NALF1: variants seen among roughly 807,000 people sequenced by gnomAD.
The protein encoded by NALF1 is family with sequence similarity 155 member A.
Under a neutral mutation model 48.4 loss-of-function variants are expected in NALF1, and 3 were observed. That is an observed-to-expected ratio of 0.06 (90% CI 0.03 to 0.16). The LOEUF (loss-of-function observed/expected upper bound fraction) is 0.16, where lower values mean the gene tolerates loss of function less well. NALF1 is among the 10% of genes least tolerant of loss of function. The pLI is 1.00. For synonymous variants in NALF1, 262 were observed against 245.7 expected, an observed-to-expected ratio of 1.07 and a Z score of -0.62; for missense variants, 526 against 571.5, an observed-to-expected ratio of 0.92 and a Z score of 0.81.
chr13:107,491,002 A>G (rs774596810), intron 1 of NALF1, among the ~76,000 whole-genome samples: 2 of 152,196 alleles, frequency 1.3e-5, no homozygotes, highest in Non-Finnish European at 2.9e-5. Context: ...GAAAAAAGCC[A>G]CAAAGTTCTC....
intron 1 of NALF1, among the ~76,000 whole-genome samples, chr13:107,433,305 A>C (rs1182570515): frequency 1.3e-5 from 2 of 152,208 alleles, no homozygotes; most frequent in African/African-American, 4.8e-5. Flanking sequence ...TCAATGACTA[A>C]TAACTGATAA....
At chr13:107,191,833 A>ATTTTTTTTTTTTT (rs66566638) in intron 2 of NALF1, among the ~76,000 whole-genome samples, 32 of 112,176 alleles carry the variant, frequency 2.9e-4, no homozygotes, top group Non-Finnish European at 4.0e-4. Flanking sequence ...CACTATGCCT[A>ATTTTTTTTTTTTT]TTTTTTTTTT....
At chr13:107,582,017 C>A (rs1878326288) in intron 1 of NALF1, among the ~76,000 whole-genome samples, 1 of 152,162 alleles carries the variant, frequency 6.6e-6, no homozygotes, top group African/African-American at 2.4e-5. Context: ...TCTAGGAATT[C>A]TGTGTTTCAT....
At chr13:107,782,859 G>C (rs1289121888) in intron 1 of NALF1, among the ~76,000 whole-genome samples, 2 of 151,510 alleles carry the variant, frequency 1.3e-5, no homozygotes, top group Non-Finnish European at 2.9e-5. Context: ...CCGCCCGGCA[G>C]CCGCCCCGTC....
At chr13:107,578,116 A>T (rs1878205040) in intron 1 of NALF1, among the ~76,000 whole-genome samples, 1 of 152,078 alleles carries the variant, frequency 6.6e-6, no homozygotes, top group African/African-American at 2.4e-5. Context: ...TGTGTATCCA[A>T]TCTCCAGTCA....
At chr13:107,548,833 T>C (rs1877209314) in intron 1 of NALF1, among the ~76,000 whole-genome samples, 1 of 152,010 alleles carries the variant, frequency 6.6e-6, no homozygotes, top group Non-Finnish European at 1.5e-5. Flanking sequence ...TGTGTGTTTG[T>C]ATTATACATA....
chr13:107,168,994 T>A lies in NALF1; in HGVS notation c.*1503A>T, dbSNP rs531180018. 7 of 152,736 alleles carry A rather than the reference T, an allele frequency of 4.6e-5. No homozygotes were observed. The highest frequency in any genetic ancestry group is 1.7e-4 in the African/African-American group (7 of 41,576). The allele number at this position is 152,736 out of a possible 1,614,324, so 9.5% of individuals were successfully genotyped here. On this transcript the variant is annotated 3_prime_UTR_variant, in exon 3 of 3. Transcript: ENST00000375915. ...TTTAATTATTTGTTTTGTTTGTTTG[T>A]TTGTTTTTTTAAAAACAGCCCTTAT...
intron 1 of NALF1, among the ~76,000 whole-genome samples, chr13:107,324,483 G>A (rs944308543): frequency 1.3e-5 from 2 of 152,150 alleles, no homozygotes; most frequent in Non-Finnish European, 2.9e-5. Flanking sequence ...GGAGTGGGGG[G>A]AAGAACAGTA....
Position 107,866,426 on chromosome 13 carries a change from C to A in NALF1, c.171G>T (p.Trp57Cys). 2 of 1,614,148 alleles carry A rather than the reference C, an allele frequency of 1.2e-6. No individual in the cohort carries two copies. Among genetic ancestry groups the A allele is most frequent in the African/African-American group, 1.3e-5 (1 of 75,052 alleles). The part of the protein sequence containing the change: ...FFTVLLSDHL[W>C]FCAEAKLTRA... ...GGGTCAGCTTGGCCTCGGCGCAGAA[C>A]CACAAGTGATCAGAGAGCAGGACTG... The change falls in exon 1 of 3, where the codon TGG becomes TGT. Residue 57 changes from tryptophan (W) to cysteine (C), a missense_variant. Coordinates refer to ENST00000375915, the MANE Select transcript of NALF1 (RefSeq NM_001080396.3). The surrounding 1 kb of genome is among the most constrained non-coding windows in gnomAD (Gnocchi z 4.4).
chr13:107,564,233 G>T (rs1877724687), intron 1 of NALF1, among the ~76,000 whole-genome samples: 1 of 152,120 alleles, frequency 6.6e-6, no homozygotes, highest in Non-Finnish European at 1.5e-5. Context: ...CAATTTCAAG[G>T]ACTTTGTAGC....
chr13:107,859,623 G>GC (rs1256980144), intron 1 of NALF1, among the ~76,000 whole-genome samples: 1 of 152,006 alleles, frequency 6.6e-6, no homozygotes, highest in African/African-American at 2.4e-5. Context: ...ATCAGAGTAG[G>GC]CGGGTGCGGT....
intron 1 of NALF1, among the ~76,000 whole-genome samples, chr13:107,779,478 C>G (rs1877825156): frequency 6.6e-6 from 1 of 152,176 alleles, no homozygotes; most frequent in African/African-American, 2.4e-5. Flanking sequence ...TTCAAACATT[C>G]CTGTATTTCC....
Position 107,438,937 on chromosome 13 carries a change from A to G in NALF1, c.916-228182T>C, listed in dbSNP as rs1039978774. Among the ~76,000 whole-genome samples, 18 of 151,578 alleles carry G rather than the reference A, an allele frequency of 1.2e-4. 1 individual carries two copies. Among genetic ancestry groups the G allele is most frequent in the Non-Finnish European group, 1.9e-4 (13 of 67,908 alleles). The stretch of plus-strand genomic sequence containing the variant: ...AGCAATAAAATCTTAGATATATCAC[A>G]ATCATTCATTTTAAGGTATATTTTT... On this transcript the variant is annotated intron_variant, in intron 1 of 2. Transcript: ENST00000375915.
intron 1 of NALF1, among the ~76,000 whole-genome samples, chr13:107,482,652 A>G (rs893413841): frequency 4.6e-5 from 7 of 152,184 alleles, no homozygotes; most frequent in Admixed American, 1.3e-4. Flanking sequence ...AATTTTCAGC[A>G]ATAGCATGGG....
intron 1 of NALF1, among the ~76,000 whole-genome samples, chr13:107,599,432 A>AAT (rs1006007847): frequency 7.3e-5 from 11 of 151,450 alleles, no homozygotes; most frequent in Non-Finnish European, 1.3e-4. Context: ...AAAAAAAAAA[A>AAT]AAAAAAATAA....
chr13:107,559,001 C>G (rs1293681132), intron 1 of NALF1, among the ~76,000 whole-genome samples: 1 of 152,120 alleles, frequency 6.6e-6, no homozygotes, highest in Non-Finnish European at 1.5e-5. Flanking sequence ...GCTTTCCTGG[C>G]CCCCCACCCT....
Position 107,754,382 on chromosome 13 carries a change from CACACACACACACACA to C in NALF1, c.915+111285_915+111299del, listed in dbSNP as rs1348990811. On this transcript the variant is annotated intron_variant, in intron 1 of 2. Coordinates refer to ENST00000375915, the MANE Select transcript of NALF1 (RefSeq NM_001080396.3). ...ACACACACACACACACACACACACA[CACACACACACACACA>C]CCATATATGGAACCGCTGAACAATC... 4.0e-5 allele frequency among the ~76,000 whole-genome samples: 6 copies of C among 151,506 alleles called. No homozygotes were observed. In the East Asian group the frequency reaches 1.2e-3, roughly 29 times the overall value.
intron 1 of NALF1, among the ~76,000 whole-genome samples, chr13:107,337,809 G>T (rs1304965993): frequency 6.6e-6 from 1 of 152,116 alleles, no homozygotes; most frequent in East Asian, 1.9e-4. Context: ...CACTTCCTAG[G>T]TTGGTTGTTG....
At chr13:107,346,325 C>A (rs1347970923) in intron 1 of NALF1, among the ~76,000 whole-genome samples, 3 of 152,134 alleles carry the variant, frequency 2.0e-5, no homozygotes, top group Admixed American at 6.5e-5. Context: ...TATGTGCATA[C>A]CCATGTTCAC....
Sources: gnomAD v4.1 joint callset for allele counts (sites outside exome capture counted in the v4.1 genomes callset) on GRCh38, gnomAD v4.1.1 for gene constraint, Gnocchi (gnomAD v3.1) non-coding constraint, MANE v1.5 for transcripts, NCBI Gene and HGNC (gene_info 2026-07-23, HGNC 2026-07-21) for gene names.